The following GPR39 variants were observed in gnomAD, a reference collection of about 807,000 sequenced individuals.
GPR39 encodes the protein zinc sensing receptor.
In GPR39, 23 loss-of-function variants were observed where a neutral mutation model predicts 18.4. The observed-to-expected ratio is 1.25, with a 90% CI of 0.90 to 1.77. The LOEUF is 1.77. GPR39 is among the 40% of genes most tolerant of loss of function. The probability of loss-of-function intolerance (pLI) is 0.00; values close to 1 mark genes in which losing one functional copy is unlikely to be tolerated. For missense variants in GPR39, 647 were observed against 602.4 expected, an observed-to-expected ratio of 1.07 and a Z score of -0.78; for synonymous variants, 280 against 257.9, an observed-to-expected ratio of 1.09 and a Z score of -0.82.
chr2:132,632,085 T>C (rs1342133296), intron 1 of GPR39, among the ~76,000 whole-genome samples: 1 of 152,134 alleles, frequency 6.6e-6, no homozygotes, highest in Admixed American at 6.5e-5. Context: ...CCCAAAGTGC[T>C]GGGATTATAG....
At chr2:132,589,100 A>G (rs1680781587) in intron 1 of GPR39, among the ~76,000 whole-genome samples, 1 of 152,206 alleles carries the variant, frequency 6.6e-6, no homozygotes, top group African/African-American at 2.4e-5. Context: ...CCAAAGACAA[A>G]TGGGCTGACT....
intron 1 of GPR39, among the ~76,000 whole-genome samples, chr2:132,449,900 ACACCTTCTAG>A (rs1412688705): frequency 1.3e-5 from 2 of 151,994 alleles, no homozygotes; most frequent in Non-Finnish European, 2.9e-5. Flanking sequence ...TACATCTCCT[ACACCTTCTAG>A]CATCCCCTGG....
At chr2:132,532,216 G>C (rs1285658026) in intron 1 of GPR39, among the ~76,000 whole-genome samples, 14 of 152,022 alleles carry the variant, frequency 9.2e-5, no homozygotes, top group South Asian at 6.2e-4. Context: ...ACTATAAACA[G>C]CTCTATGCAA....
At chr2:132,439,499 T>C (rs1349780133) in intron 1 of GPR39, among the ~76,000 whole-genome samples, 1 of 152,184 alleles carries the variant, frequency 6.6e-6, no homozygotes, top group East Asian at 1.9e-4. Flanking sequence ...TGCCTTTGGA[T>C]AGGTCTGAGA....
intron 1 of GPR39, among the ~76,000 whole-genome samples, chr2:132,580,539 C>T (rs1020604743): frequency 3.3e-5 from 5 of 152,164 alleles, no homozygotes; most frequent in Admixed American, 1.3e-4. Flanking sequence ...ACTTACTGGC[C>T]ATGGTACAAT....
intron 1 of GPR39, among the ~76,000 whole-genome samples, chr2:132,479,539 C>A (rs563636818): frequency 1.2e-4 from 19 of 152,286 alleles, no homozygotes; most frequent in African/African-American, 4.3e-4. Flanking sequence ...TGGGTCTGTA[C>A]TTTATTCAGT....
intron 1 of GPR39, among the ~76,000 whole-genome samples, chr2:132,556,821 C>T (rs1172409377): frequency 6.6e-6 from 1 of 152,174 alleles, no homozygotes; most frequent in Non-Finnish European, 1.5e-5. Context: ...AAAGGCCTCT[C>T]TGGCTTTCCT....
intron 1 of GPR39, among the ~76,000 whole-genome samples, chr2:132,566,792 AT>A (rs1680356054): frequency 6.6e-6 from 1 of 152,112 alleles, no homozygotes; most frequent in African/African-American, 2.4e-5. Context: ...TCATTTCCCA[AT>A]ACACATTCCC....
chr2:132,478,566 A>G (rs981561056), intron 1 of GPR39, among the ~76,000 whole-genome samples: 4 of 152,258 alleles, frequency 2.6e-5, no homozygotes, highest in African/African-American at 9.6e-5. Context: ...TGTCAAAGAC[A>G]GAAAGCTCAG....
intron 1 of GPR39, among the ~76,000 whole-genome samples, chr2:132,437,047 A>G (rs1209531571): frequency 6.6e-6 from 1 of 152,182 alleles, no homozygotes; most frequent in East Asian, 1.9e-4. Context: ...TGCCTCAGGT[A>G]ACACAGCAAT....
chr2:132,516,463 G>A (rs1161415245), intron 1 of GPR39, among the ~76,000 whole-genome samples: 2 of 152,172 alleles, frequency 1.3e-5, no homozygotes, highest in Non-Finnish European at 2.9e-5. Flanking sequence ...AAAAATGATA[G>A]AGGGTGTCTT....
At chr2:132,525,532 T>C (rs1458901506) in intron 1 of GPR39, among the ~76,000 whole-genome samples, 4 of 152,212 alleles carry the variant, frequency 2.6e-5, no homozygotes, top group Non-Finnish European at 5.9e-5. Context: ...TTACCTTTTA[T>C]GCTACGCAGA....
intron 1 of GPR39, among the ~76,000 whole-genome samples, chr2:132,534,636 A>G (rs1679713265): frequency 6.6e-6 from 1 of 151,778 alleles, no homozygotes; most frequent in African/African-American, 2.4e-5. Flanking sequence ...TGGCACATAT[A>G]CACTATGGAA....
At chr2:132,452,133 A>G (rs539818589) in intron 1 of GPR39, among the ~76,000 whole-genome samples, 1 of 152,348 alleles carries the variant, frequency 6.6e-6, no homozygotes, top group Non-Finnish European at 1.5e-5. Flanking sequence ...AAATGATACA[A>G]TGGTAAAGTC....
intron 1 of GPR39, among the ~76,000 whole-genome samples, chr2:132,496,495 G>A (rs1325866042): frequency 6.6e-6 from 1 of 152,260 alleles, no homozygotes; most frequent in African/African-American, 2.4e-5. Context: ...GAAAAATAAC[G>A]TGGTGATAAC....
At chr2:132,594,697 G>A (rs934269359) in intron 1 of GPR39, among the ~76,000 whole-genome samples, 9 of 151,560 alleles carry the variant, frequency 5.9e-5, no homozygotes, top group African/African-American at 2.2e-4. Context: ...GGAGAGATGG[G>A]GAGAGAGACA....
At chr2:132,419,040 G>A (rs1040705504) in intron 1 of GPR39, among the ~76,000 whole-genome samples, 1 of 152,168 alleles carries the variant, frequency 6.6e-6, no homozygotes, top group African/African-American at 2.4e-5. Context: ...TCTTGCCTCA[G>A]ACCAGCCCCT....
At chr2:132,443,868 G>A (rs1378152106) in intron 1 of GPR39, among the ~76,000 whole-genome samples, 4 of 152,138 alleles carry the variant, frequency 2.6e-5, no homozygotes, top group Non-Finnish European at 5.9e-5. Context: ...CCAGGTGTTC[G>A]AGACCAACCT....
chr2:132,501,743 A>G (rs1472927990), intron 1 of GPR39, among the ~76,000 whole-genome samples: 1 of 152,102 alleles, frequency 6.6e-6, no homozygotes, highest in East Asian at 1.9e-4. Context: ...ATTGTTTTAT[A>G]AATTTGGGAT....
Sources: allele counts gnomAD v4.1 joint callset (sites outside exome capture counted in the v4.1 genomes callset), GRCh38; gene constraint gnomAD v4.1.1; transcripts MANE v1.5; gene names NCBI Gene and HGNC (gene_info 2026-07-23, HGNC 2026-07-21).